Variants in SH3BP2 observed in about 807,000 individuals in gnomAD.
SH3BP2 encodes the protein SH3 domain binding protein 2.
SH3BP2 carries 38 observed loss-of-function variants against 56.2 expected under a neutral mutation model. The ratio of observed to expected loss-of-function variants is 0.68; its 90% CI spans 0.52 to 0.89. The LOEUF is 0.89. SH3BP2 is among the 40% of genes least tolerant of loss of function. The pLI, the probability that SH3BP2 is intolerant of heterozygous loss-of-function variation, is 0.00. For missense variants in SH3BP2, 748 were observed against 762.6 expected (o/e 0.98, Z 0.23); for synonymous variants, 346 against 316.7 (o/e 1.09, Z -0.98).
Position 2,829,102 on chromosome 4 carries a change from C to A in SH3BP2, c.587-391C>A, listed in dbSNP as rs1724835076. Among the ~76,000 whole-genome samples, 1 of 152,180 alleles carries A rather than the reference C, an allele frequency of 6.6e-6. No individual in the cohort carries two copies. The highest frequency in any genetic ancestry group is 1.5e-5 in the Non-Finnish European group (1 of 68,036). ...TGTTCTGAGCAAACACGGGCCTTCA[C>A]CTTCCTCCCAGCTGCTCCCCTCCCC... On this transcript the variant is annotated intron_variant, in intron 7 of 12. Coordinates refer to ENST00000503393, the MANE Select transcript of SH3BP2 (RefSeq NM_001122681.2). This position sits in a 1 kb window ranked among gnomAD's most constrained non-coding sequence, Gnocchi z 4.9.
rs569824907 is a variant in SH3BP2, at chr4:2,839,929, A to C, written c.*6095A>C. The C allele has an allele frequency of 6.6e-6, 1 of 152,044 alleles. No homozygotes were observed. The allele number at this position is 152,044 out of a possible 1,614,324, so 9.4% of individuals were successfully genotyped here. On this transcript the variant is annotated 3_prime_UTR_variant, in exon 13 of 13. Coordinates refer to ENST00000503393, the MANE Select transcript of SH3BP2 (RefSeq NM_001122681.2). ...TTTTGGTTAGTGCTTTTTGTGGCTT[A>C]AGAAATTCTTTCCAGGCTGGGTACA...
Position 2,831,523 on chromosome 4 carries a change from C to A in SH3BP2, c.1242-48C>A. 6.9e-7 allele frequency: 1 copy of A among 1,439,894 alleles called. No homozygotes were observed. Among genetic ancestry groups the A allele is most frequent in the Non-Finnish European group, 9.6e-7 (1 of 1,045,304 alleles). The allele number at this position is 1,439,894 out of a possible 1,614,324, so 89.2% of individuals were successfully genotyped here. On this transcript the variant is annotated intron_variant, in intron 8 of 12. Coordinates refer to ENST00000503393, the MANE Select transcript of SH3BP2 (RefSeq NM_001122681.2). The surrounding 1 kb of genome is among the most constrained non-coding windows in gnomAD (Gnocchi z 4.1). ...GGAGGGGAGCAGAGGGTGGCCGCCC[C>A]GTGTCTGACAGTGAAATGGTCCTGC...
At chr4:2,833,602 G>C in intron 12 of SH3BP2, 95 bp from the exon 13 acceptor site, 1 of 1,509,442 alleles carries the variant, frequency 6.6e-7, no homozygotes, top group Non-Finnish European at 9.0e-7. Flanking sequence ...TGCCGCTGTT[G>C]ATGCTGCTGC....
In SH3BP2 at chr4:2,838,023, C is replaced by G. The variant is rs1039989140; in HGVS notation, c.*4189C>G. ...ACCCCTAGGAAGCTTCGCAGGCCTTCCAGGCTGCCAGACAGCTGCCCTGGC... is the reference window on the plus strand; with the variant it reads ...ACCCCTAGGAAGCTTCGCAGGCCTTGCAGGCTGCCAGACAGCTGCCCTGGC... On this transcript the variant is annotated 3_prime_UTR_variant, in exon 13 of 13. Coordinates refer to ENST00000503393, the MANE Select transcript of SH3BP2 (RefSeq NM_001122681.2). 1 of 152,340 alleles carries G rather than the reference C, an allele frequency of 6.6e-6. No individual in the cohort carries two copies. The highest frequency in any genetic ancestry group is 1.5e-5 in the Non-Finnish European group (1 of 68,130). The allele number at this position is 152,340 out of a possible 1,614,324, so 9.4% of individuals were successfully genotyped here.
intron 1 of SH3BP2, chr4:2,818,312 CG>C (rs1386277587): frequency 9.0e-7 from 1 of 1,105,080 alleles, no homozygotes; most frequent in Non-Finnish European, 1.1e-6. Context: ...GGACGCGGCC[CG>C]GGGCCGTGCC....
At chr4:2,832,135 C>A in intron 10 of SH3BP2, 157 bp downstream of exon 10, 1 of 983,480 alleles carries the variant, frequency 1.0e-6, no homozygotes, top group Non-Finnish European at 1.6e-6. Flanking sequence ...TGCTCTGTCC[C>A]ATGCCCAGCT....
intron 1 of SH3BP2, among the ~76,000 whole-genome samples, chr4:2,801,364 G>T (rs568649233): frequency 6.6e-6 from 1 of 152,352 alleles, no homozygotes; most frequent in South Asian, 2.1e-4. Flanking sequence ...GAGGCTCTGG[G>T]GTTCCCAGGC....
intron 1 of SH3BP2, chr4:2,817,866 C>T (rs2108721307): frequency 6.6e-6 from 1 of 152,430 alleles, no homozygotes; most frequent in East Asian, 1.9e-4. Context: ...GTTGCAAGGG[C>T]CCGGCGGGAT....
At chr4:2,798,858 T>G (rs1723147491) in intron 1 of SH3BP2, 2 of 555,096 alleles carry the variant, frequency 3.6e-6, no homozygotes, top group Admixed American at 1.3e-4. Flanking sequence ...CCAGGCCGTG[T>G]GACCTGGGCA....
In SH3BP2 at chr4:2,802,394, A is replaced by C. The variant is rs182271759; in HGVS notation, c.-5+9256A>C. On this transcript the variant is annotated intron_variant, in intron 1 of 12. Coordinates refer to ENST00000503393, the MANE Select transcript of SH3BP2 (RefSeq NM_001122681.2). ...GGGCACCAAAGTGAGACTCTGTCTCAAAAAAATATATGTGTGTGTGTGTGT... is the reference window on the plus strand; with the variant it reads ...GGGCACCAAAGTGAGACTCTGTCTCCAAAAAATATATGTGTGTGTGTGTGT... 2.2e-5 allele frequency among the ~76,000 whole-genome samples: 3 copies of C among 137,904 alleles called. No individual in the cohort carries two copies. In the East Asian group the frequency reaches 6.3e-4, roughly 29 times the overall value. The allele number at this position is 137,904 out of a possible 152,430, so 90.5% of individuals were successfully genotyped here.
chr4:2,821,327 C>T (rs572279647), intron 2 of SH3BP2, among the ~76,000 whole-genome samples: 3 of 152,360 alleles, frequency 2.0e-5, no homozygotes, highest in African/African-American at 4.8e-5. Context: ...GGTCCTGGGC[C>T]GCCTGGTTGA....
At chr4:2,830,954 A>G (rs1044762652) in intron 8 of SH3BP2, among the ~76,000 whole-genome samples, 16 of 152,318 alleles carry the variant, frequency 1.1e-4, no homozygotes, top group Non-Finnish European at 1.9e-4. Flanking sequence ...AGCCCTTGTC[A>G]CACTCGTGGT....
intron 5 of SH3BP2, chr4:2,826,907 A>T (rs530311633): frequency 1.8e-6 from 1 of 543,288 alleles, no homozygotes; most frequent in Admixed American, 2.2e-5. Context: ...GTCTTTGTGT[A>T]TATATATCCA....
intron 1 of SH3BP2, among the ~76,000 whole-genome samples, chr4:2,802,404 A>ATGTGTGTGTGTG (rs1175501543): frequency 0.016 from 2,146 of 135,898 alleles, 36 homozygotes; most frequent in South Asian, 0.048. Flanking sequence ...AAAAAAATAT[A>ATGTGTGTGTGTG]TGTGTGTGTG....
At chr4:2,818,070 G>A (rs994303961) in intron 1 of SH3BP2, 36 of 287,932 alleles carry the variant, frequency 1.3e-4, no homozygotes, top group Non-Finnish European at 1.6e-4. Flanking sequence ...GCAGCGTGGG[G>A]AAACTGAGGC....
intron 11 of SH3BP2, 73 bp downstream of exon 11, chr4:2,832,485 C>G: frequency 8.8e-7 from 1 of 1,142,434 alleles, no homozygotes; most frequent in Non-Finnish European, 1.3e-6. Context: ...GGGCCCAGGA[C>G]TCCACAGTTC....
rs1376901365 is a variant in SH3BP2 at position 2,827,233 on chromosome 4, C to G, written c.432C>G (p.Asp144Glu). The change falls in exon 6 of 13, where the codon GAC becomes GAG. Residue 144 changes from aspartate to glutamate, a missense_variant. By Grantham distance (45) the Asp-to-Glu change is conservative. Transcript: ENST00000503393. ...EKKDLPLDTS[D>E]SSSDTDSFYG... ...CCCAACGCACCCTGCATTGCAGCGA[C>G]TCCAGCTCGGACACAGACAGCTTCT... 3.1e-6 allele frequency: 5 copies of G among 1,614,004 alleles called. No homozygotes were observed. In the Admixed American group the frequency reaches 8.3e-5, roughly 27 times the overall value.
In SH3BP2 at chr4:2,834,377, C is replaced by T. The variant is rs1250900525; in HGVS notation, c.*543C>T. The T allele has an allele frequency of 6.5e-6, 1 of 153,662 alleles. No homozygotes were observed. Among genetic ancestry groups the T allele is most frequent in the Admixed American group, 6.5e-5 (1 of 15,486 alleles). The allele number at this position is 153,662 out of a possible 1,614,324, so 9.5% of individuals were successfully genotyped here. On this transcript the variant is annotated 3_prime_UTR_variant, in exon 13 of 13. Coordinates refer to ENST00000503393, the MANE Select transcript of SH3BP2 (RefSeq NM_001122681.2). ...TGTCTAAGTGGTGACCGCAGCAGTA[C>T]CCGGGAACCCCAACAGTTGGTTGTC...
At position 2,829,977 on chromosome 4, in the gene SH3BP2, C is replaced by G. The variant is rs1187541289; in HGVS notation, c.1071C>G (p.Pro357=). ...SEPPPVPANK[P]KFLKIAEEDP... is the part of the protein sequence containing the mutation. ...CCCCACCTGTGCCAGCCAACAAGCC[C>G]AAGTTCCTGAAGATAGCTGAAGAGG... The change falls in exon 8 of 13, where the codon CCC becomes CCG. Residue 357 remains proline, a synonymous_variant. Coordinates refer to ENST00000503393, the MANE Select transcript of SH3BP2 (RefSeq NM_001122681.2). This position sits in a 1 kb window ranked among gnomAD's most constrained non-coding sequence, Gnocchi z 4.9. 1 of 1,613,458 alleles carries G rather than the reference C, an allele frequency of 6.2e-7. No homozygotes were observed. The highest frequency in any genetic ancestry group is 1.7e-5 in the Admixed American group (1 of 60,034).
Sources: gnomAD v4.1 joint callset for allele counts (sites outside exome capture counted in the v4.1 genomes callset) on GRCh38, gnomAD v4.1.1 for gene constraint, Gnocchi (gnomAD v3.1) non-coding constraint, MANE v1.5 for transcripts, NCBI Gene and HGNC (gene_info 2026-07-23, HGNC 2026-07-21) for gene names.